GCSAML: variants seen among roughly 807,000 people sequenced by gnomAD.
GCSAML encodes germinal center associated signaling and motility like.
GCSAML carries 9 observed loss-of-function variants against 13.0 expected under a neutral mutation model. The ratio of observed to expected loss-of-function variants is 0.69; its 90% CI spans 0.42 to 1.21. The LOEUF is 1.21. Among genes scored for constraint, GCSAML ranks in the 50% most tolerant of loss-of-function variants. GCSAML has a pLI of 0.00. For synonymous variants in GCSAML, 37 were observed against 52.9 expected, an observed-to-expected ratio of 0.70 and a Z score of 1.31; for missense variants, 143 against 153.4, an observed-to-expected ratio of 0.93 and a Z score of 0.36.
At chr1:247,541,360 A>G (rs1667405205) in intron 2 of GCSAML, among the ~76,000 whole-genome samples, 1 of 152,194 alleles carries the variant, frequency 6.6e-6, no homozygotes, top group Admixed American at 6.5e-5. Flanking sequence ...CCCATGTCAT[A>G]TGGATCACAG....
chr1:247,561,190 G>A (rs1668114896), intron 2 of GCSAML, among the ~76,000 whole-genome samples: 1 of 152,116 alleles, frequency 6.6e-6, no homozygotes, highest in African/African-American at 2.4e-5. Context: ...CTGGGCTCAA[G>A]TGATCCATCT....
chr1:247,569,214 T>C (rs1668505298), intron 4 of GCSAML, among the ~76,000 whole-genome samples: 1 of 152,204 alleles, frequency 6.6e-6, no homozygotes, highest in African/African-American at 2.4e-5. Flanking sequence ...TCTTGCCTGA[T>C]TGCCCTGGTC....
chr1:247,549,999 G>T (rs1189905602), intron 1 of GCSAML, among the ~76,000 whole-genome samples: 1 of 152,162 alleles, frequency 6.6e-6, no homozygotes, highest in African/African-American at 2.4e-5. Flanking sequence ...TATCGCTCCT[G>T]TGCTCCAGTG....
intron 1 of GCSAML, among the ~76,000 whole-genome samples, chr1:247,516,750 C>A (rs1666226506): frequency 6.6e-6 from 1 of 152,122 alleles, no homozygotes; most frequent in Non-Finnish European, 1.5e-5. Context: ...ACACTACAAC[C>A]TAACTTCTTC....
chr1:247,516,200 A>T (rs1666205200), intron 1 of GCSAML, among the ~76,000 whole-genome samples: 1 of 152,234 alleles, frequency 6.6e-6, no homozygotes, highest in African/African-American at 2.4e-5. Flanking sequence ...TGTGTTTCTG[A>T]AAACACATAT....
chr1:247,545,902 C>CATCAAGATGT (rs1667551032), upstream of GCSAML, among the ~76,000 whole-genome samples: 2 of 152,052 alleles, frequency 1.3e-5, no homozygotes, highest in Non-Finnish European at 2.9e-5. Context: ...GTATTGTGTA[C>CATCAAGATGT]TTAACAATTC....
At chr1:247,554,750 A>G (rs1023782637) in intron 1 of GCSAML, among the ~76,000 whole-genome samples, 1 of 152,074 alleles carries the variant, frequency 6.6e-6, no homozygotes, top group East Asian at 1.9e-4. Context: ...TTACTGCTTG[A>G]TAGTTGGAGA....
intron 1 of GCSAML, chr1:247,518,393 G>C (rs1666293297): frequency 6.6e-6 from 1 of 152,408 alleles, no homozygotes; most frequent in Admixed American, 6.5e-5. Context: ...GCCCCTCGGG[G>C]GCAGTGCACT....
chr1:247,546,828 G>A (rs1572342685), upstream of GCSAML, among the ~76,000 whole-genome samples: 1 of 151,310 alleles, frequency 6.6e-6, no homozygotes, highest in East Asian at 2.0e-4. Context: ...GGTGGCTCAA[G>A]CCTGTAATCC....
chr1:247,569,984 T>A lies in GCSAML; in HGVS notation c.168+4025T>A, dbSNP rs1668537150. 2.0e-5 allele frequency among the ~76,000 whole-genome samples: 3 copies of A among 152,246 alleles called. No homozygotes were observed. In the South Asian group the frequency reaches 6.2e-4, roughly 31 times the overall value. On this transcript the variant is annotated intron_variant, in intron 4 of 4. Transcript: ENST00000366488. ...ATCCATTTCTTCTAGATTTTCTAGT[T>A]TATTTGTGTAGAAATGTTTATAGTA...
chr1:247,569,060 C>T (rs1366375034), intron 4 of GCSAML, among the ~76,000 whole-genome samples: 1 of 152,080 alleles, frequency 6.6e-6, no homozygotes, highest in Non-Finnish European at 1.5e-5. Flanking sequence ...GATTTTGTAT[C>T]CTGAGACTTT....
intron 1 of GCSAML, among the ~76,000 whole-genome samples, chr1:247,510,224 G>A (rs1665982303): frequency 6.6e-6 from 1 of 152,158 alleles, no homozygotes; most frequent in Admixed American, 6.5e-5. Flanking sequence ...TCTTGGTTTA[G>A]TCTTGAGAAG....
intron 2 of GCSAML, chr1:247,531,750 C>T: frequency 1.2e-6 from 2 of 1,614,160 alleles, no homozygotes; most frequent in South Asian, 2.2e-5. Context: ...AGATGATGCT[C>T]CCGTAAAACA....
intron 1 of GCSAML, among the ~76,000 whole-genome samples, chr1:247,518,125 C>T (rs1558234205): frequency 6.6e-6 from 1 of 152,208 alleles, no homozygotes; most frequent in Non-Finnish European, 1.5e-5. Flanking sequence ...ATCCATGGCC[C>T]GCGTGGGTGT....
chr1:247,528,225 T>A (rs983709599), intron 2 of GCSAML: 2 of 152,154 alleles, frequency 1.3e-5, no homozygotes, highest in Non-Finnish European at 2.9e-5. Flanking sequence ...GTATAATTAT[T>A]TTTTAAATTT....
intron 4 of GCSAML, among the ~76,000 whole-genome samples, chr1:247,570,490 G>A (rs893895473): frequency 1.3e-5 from 2 of 152,130 alleles, no homozygotes; most frequent in Non-Finnish European, 2.9e-5. Flanking sequence ...GGAGCAGGTT[G>A]TTCAGTTTCC....
intron 1 of GCSAML, among the ~76,000 whole-genome samples, chr1:247,554,492 A>G (rs923016971): frequency 6.6e-6 from 1 of 151,986 alleles, no homozygotes; most frequent in Non-Finnish European, 1.5e-5. Flanking sequence ...TCTTCTCCCA[A>G]CTTCTTAAGA....
At chr1:247,546,857 A>G (rs1454504900), upstream of GCSAML, among the ~76,000 whole-genome samples, 1 of 151,748 alleles carries the variant, frequency 6.6e-6, no homozygotes, top group Non-Finnish European at 1.5e-5. Context: ...TGGGAGGCCA[A>G]GGCAGGAGGA....
chr1:247,525,473 C>A (rs1414744507), intron 1 of GCSAML: 2 of 152,224 alleles, frequency 1.3e-5, no homozygotes, highest in African/African-American at 4.8e-5. Context: ...TTTGCTAGAG[C>A]AGCCCACAGA....
Sources: gnomAD v4.1 joint callset for allele counts (sites outside exome capture counted in the v4.1 genomes callset) on GRCh38, gnomAD v4.1.1 for gene constraint, MANE v1.5 for transcripts, NCBI Gene and HGNC (gene_info 2026-07-23, HGNC 2026-07-21) for gene names.